TMC6: variants seen among roughly 807,000 people sequenced by gnomAD.
TMC6 encodes the protein transmembrane channel like 6, also known as transmembrane channel-like protein 6.
In TMC6, 71 loss-of-function variants were observed where a neutral mutation model predicts 95.4. That is an observed-to-expected ratio of 0.74 (90% CI 0.61 to 0.91). The LOEUF (loss-of-function observed/expected upper bound fraction) is 0.91. Ranked by LOEUF, TMC6 falls within the 40% of genes least tolerant of loss-of-function variation. The probability of loss-of-function intolerance (pLI) is 0.00; values close to 1 mark genes in which losing one functional copy is unlikely to be tolerated. For synonymous variants in TMC6, 514 were observed against 483.1 expected, an observed-to-expected ratio of 1.06 and a Z score of -0.84; for missense variants, 1,074 against 1,079.1, an observed-to-expected ratio of 1.00 and a Z score of 0.07.
Position 78,126,767 on chromosome 17 carries a change from G to C in TMC6, c.56+10C>G. ...TTCCAGCCTCCAGCCCCCAGCCCCA[G>C]AGCGCTTACCCCTGGTCCCCTGGGG... On this transcript the variant is annotated intron_variant, in intron 2 of 19. Coordinates refer to ENST00000590602, the MANE Select transcript of TMC6 (RefSeq NM_001127198.5). 6.2e-7 allele frequency: 1 copy of C among 1,613,162 alleles called. No individual in the cohort carries two copies. Among genetic ancestry groups the C allele is most frequent in the Non-Finnish European group, 8.5e-7 (1 of 1,179,874 alleles).
At chr17:78,130,201 G>C (rs915806884), upstream of TMC6, among the ~76,000 whole-genome samples, 1 of 152,156 alleles carries the variant, frequency 6.6e-6, no homozygotes, top group Non-Finnish European at 1.5e-5. Context: ...GCTAGGCCTG[G>C]GTCTTGGCAC....
chr17:78,122,744 G>T lies in TMC6; in HGVS notation c.1088C>A (p.Ala363Asp), dbSNP rs754135769. The T allele has an allele frequency of 6.2e-7, 1 of 1,609,992 alleles. No individual in the cohort carries two copies. Among genetic ancestry groups the T allele is most frequent in the South Asian group, 1.1e-5 (1 of 90,746 alleles). The change falls in exon 10 of 20, where the codon GCT becomes GAT. Residue 363 changes from alanine to aspartate, a missense_variant. Physicochemically the swap from Ala to Asp is moderately radical, Grantham distance 126 (BLOSUM62 -2). Transcript: ENST00000590602. The surrounding 1 kb of genome is among the most constrained non-coding windows in gnomAD (Gnocchi z 4.9). ...ITCITLVYSM[A>D]HSFGESYRVG... The stretch of plus-strand genomic sequence containing the variant: ...CCGGTAGCTCTCCCCGAAAGAGTGA[G>T]CCATGCTGGGGAGAAGCAGACACAG...
Position 78,121,098 on chromosome 17 carries a change from G to A in TMC6, c.1450C>T (p.Leu484=). Residue 484 remains leucine (L), a synonymous_variant, in exon 12 of 20, where the codon CTG becomes TTG. Coordinates refer to ENST00000590602, the MANE Select transcript of TMC6 (RefSeq NM_001127198.5). This position sits in a 1 kb window ranked among gnomAD's most constrained non-coding sequence, Gnocchi z 5.6. ...VLPLVVGLLN[L]GAPYLCRVLA... is the part of the protein sequence containing the mutation. ...ACACGGCACAGGTAGGGGGCCCCCA[G>A]GTTGAGGAGGCCAACCACCAGGGGC... 6.2e-7 allele frequency: 1 copy of A among 1,612,454 alleles called. No individual in the cohort carries two copies. The highest frequency in any genetic ancestry group is 1.7e-4 in the Middle Eastern group (1 of 6,058).
In TMC6 at chr17:78,111,905, C is replaced by A. The variant is rs561743524; in HGVS notation, c.*1243G>T. The A allele has an allele frequency of 1.1e-4, 25 of 232,488 alleles. No individual in the cohort carries two copies. The highest frequency in any genetic ancestry group is 1.9e-4 in the Non-Finnish European group (22 of 115,342). 14.4% of individuals were successfully genotyped at this position (232,488 alleles called of 1,614,324 possible). ...GAACCCTGCGCCGTGACGGGCTGGT[C>A]CCCACAGACCTGGAGCACTGGGGTC... On this transcript the variant is annotated 3_prime_UTR_variant, in exon 20 of 20. Transcript: ENST00000590602.
chr17:78,129,900 T>C (rs1207815814), upstream of TMC6, among the ~76,000 whole-genome samples: 3 of 152,142 alleles, frequency 2.0e-5, no homozygotes, highest in Admixed American at 6.5e-5. The surrounding 1 kb of genome is among the most constrained non-coding windows in gnomAD (Gnocchi z 4.3). Flanking sequence ...TGTGGTTCTG[T>C]GCCCCCTCCT....
rs57837812 is a variant in TMC6 at position 78,112,319 on chromosome 17, T to G, written c.*829A>C. 4.9e-6 allele frequency: 1 copy of G among 202,232 alleles called. No homozygotes were observed. Among genetic ancestry groups the G allele is most frequent in the East Asian group, 1.9e-4 (1 of 5,182 alleles). 12.5% of individuals were successfully genotyped at this position (202,232 alleles called of 1,614,324 possible). On this transcript the variant is annotated 3_prime_UTR_variant, in exon 20 of 20. Transcript: ENST00000590602. ...CCCTGGGCTGTCATGGGCTGGTCCC[T>G]GCAGACCTGGAGCACGGGGTCATGA...
Position 78,128,239 on chromosome 17 carries a change from C to T in TMC6, c.-75+373G>A, listed in dbSNP as rs2074836810. On this transcript the variant is annotated intron_variant, in intron 1 of 19. Transcript: ENST00000590602. This position sits in a 1 kb window ranked among gnomAD's most constrained non-coding sequence, Gnocchi z 4.0. ...AGCCGCTACCCAGGGAGAACCGCAA[C>T]CTGGCCCCAGAGCCCAGAGCGGCTG... Among the ~76,000 whole-genome samples the T allele has an allele frequency of 6.6e-6, 1 of 152,164 alleles. No individual in the cohort carries two copies. Among genetic ancestry groups the T allele is most frequent in the South Asian group, 2.1e-4 (1 of 4,838 alleles).
chr17:78,130,331 G>A (rs2074929739), upstream of TMC6, among the ~76,000 whole-genome samples: 1 of 152,190 alleles, frequency 6.6e-6, no homozygotes, highest in Admixed American at 6.5e-5. Flanking sequence ...TCCAGGGTGA[G>A]GCCGGCAGAT....
At chr17:78,126,726 C>T (rs769881653) in intron 2 of TMC6, 51 bp downstream of exon 2, 34 of 1,611,588 alleles carry the variant, frequency 2.1e-5, no homozygotes, top group Middle Eastern at 1.7e-4. Context: ...GTGACCTCTC[C>T]GTGGGGGGTG....
In TMC6 at chr17:78,113,125, C is replaced by A; in HGVS notation, c.*23G>T. ...TGTGGTCTCAGGGTGCTGGGCGGGCCCGTGAGGCCCATCGCCGTCCCCCTA... is the reference window on the plus strand; with the variant it reads ...TGTGGTCTCAGGGTGCTGGGCGGGCACGTGAGGCCCATCGCCGTCCCCCTA... On this transcript the variant is annotated 3_prime_UTR_variant, in exon 20 of 20. Coordinates refer to ENST00000590602, the MANE Select transcript of TMC6 (RefSeq NM_001127198.5). 4 of 1,550,932 alleles carry A rather than the reference C, an allele frequency of 2.6e-6. No homozygotes were observed. Among genetic ancestry groups the A allele is most frequent in the Non-Finnish European group, 3.5e-6 (4 of 1,146,982 alleles).
At position 78,122,695 on chromosome 17, in the gene TMC6, G is replaced by T; in HGVS notation, c.1137C>A (p.His379Gln). 1.9e-6 allele frequency: 3 copies of T among 1,611,642 alleles called. No homozygotes were observed. The highest frequency in any genetic ancestry group is 1.7e-6 in the Non-Finnish European group (2 of 1,179,386). ...SYRVGSTSGI[H>Q]AITVFCSWDY... The stretch of plus-strand genomic sequence containing the variant: ...CCCAGGAGCAGAAGACGGTGATGGC[G>T]TGGATGCCAGAGGTGCTGCCCACCC... Residue 379 changes from histidine to glutamine, a missense_variant, in exon 10 of 20, where the codon CAC (histidine) becomes CAA (glutamine). Coordinates refer to ENST00000590602, the MANE Select transcript of TMC6 (RefSeq NM_001127198.5). This position sits in a 1 kb window ranked among gnomAD's most constrained non-coding sequence, Gnocchi z 4.9.
chr17:78,124,465 C>T (rs893877225), intron 8 of TMC6, 59 bp downstream of exon 8: 23 of 1,596,520 alleles, frequency 1.4e-5, no homozygotes, highest in East Asian at 2.2e-5. Flanking sequence ...GAAGGGAACA[C>T]GGTACCAGGG....
rs540577650 is a variant in TMC6, at chr17:78,109,677, G to A, written c.*3471C>T. On this transcript the variant is annotated 3_prime_UTR_variant, in exon 20 of 20. Coordinates refer to ENST00000590602, the MANE Select transcript of TMC6 (RefSeq NM_001127198.5). ...AAGCCCCCCAAGCCCACGGGCGTGA[G>A]TGCATGCATGCGTTTGTGACAGCCT... 2.4e-4 allele frequency: 99 copies of A among 404,674 alleles called. No homozygotes were observed. The highest frequency in any genetic ancestry group is 1.7e-3 in the African/African-American group (84 of 49,044). 25.1% of individuals were successfully genotyped at this position (404,674 alleles called of 1,614,324 possible).
At position 78,121,546 on chromosome 17, in the gene TMC6, A is replaced by G. The variant is rs1292409538; in HGVS notation, c.1383+10T>C. ...TCCAAGCAAGGGCCAGGCTCCCCCCATCCCCGCACCTGGATCATGAACTCC... is the reference window on the plus strand; with the variant it reads ...TCCAAGCAAGGGCCAGGCTCCCCCCGTCCCCGCACCTGGATCATGAACTCC... On this transcript the variant is annotated intron_variant, in intron 11 of 19. Transcript: ENST00000590602. The surrounding 1 kb of genome is among the most constrained non-coding windows in gnomAD (Gnocchi z 5.6). 6.2e-7 allele frequency: 1 copy of G among 1,610,868 alleles called. No homozygotes were observed. Among genetic ancestry groups the G allele is most frequent in the Non-Finnish European group, 8.5e-7 (1 of 1,179,658 alleles).
upstream of TMC6, among the ~76,000 whole-genome samples, chr17:78,130,420 C>T (rs1165707008): frequency 6.6e-6 from 1 of 152,228 alleles, no homozygotes; most frequent in Non-Finnish European, 1.5e-5. Flanking sequence ...GAGGTCAAGT[C>T]CTGCCTATCC....
chr17:78,131,564 C>G (rs947156849), upstream of TMC6: 9 of 1,540,748 alleles, frequency 5.8e-6, no homozygotes, highest in Admixed American at 5.9e-5. Context: ...GCCCGGCGCC[C>G]CAGCCTCTAC....
At chr17:78,113,989 A>C (rs2144867903) in intron 18 of TMC6, 2 of 358,928 alleles carry the variant, frequency 5.6e-6, no homozygotes, top group East Asian at 1.4e-4. Context: ...AACACAAGGC[A>C]CAGGGTTTAC....
Position 78,117,952 on chromosome 17 carries a change from C to T in TMC6, c.1888-17G>A, listed in dbSNP as rs377114971. The T allele has an allele frequency of 1.5e-5, 24 of 1,590,876 alleles. No individual in the cohort carries two copies. The highest frequency in any genetic ancestry group is 2.0e-5 in the Non-Finnish European group (23 of 1,169,368). On this transcript the variant is annotated splice_polypyrimidine_tract_variant and intron_variant, in intron 15 of 19. Transcript: ENST00000590602. ...AAGGCTGGTCTGTGGGGAAAGGCTG[C>T]GCTCTGCCACCATCCTGCTACCCCT...
chr17:78,115,948 G>T (rs2074084455), intron 18 of TMC6, among the ~76,000 whole-genome samples: 1 of 151,752 alleles, frequency 6.6e-6, no homozygotes, highest in Non-Finnish European at 1.5e-5. Context: ...GCTGCCGGGT[G>T]GACAGTACTC....
Sources: gnomAD v4.1 joint callset for allele counts (sites outside exome capture counted in the v4.1 genomes callset) on GRCh38, gnomAD v4.1.1 for gene constraint, Gnocchi (gnomAD v3.1) non-coding constraint, MANE v1.5 for transcripts, NCBI Gene and HGNC (gene_info 2026-07-23, HGNC 2026-07-21) for gene names.